Variants in PDE3A observed in about 807,000 individuals in gnomAD.
The protein encoded by PDE3A is phosphodiesterase 3A, also known as cGMP-inhibited 3',5'-cyclic phosphodiesterase 3A.
PDE3A carries 43 observed loss-of-function variants against 98.3 expected under a neutral mutation model. That is an observed-to-expected ratio of 0.44 (90% confidence interval 0.34 to 0.56). The LOEUF is 0.56. Among genes scored for constraint, PDE3A ranks in the 20% least tolerant of loss-of-function variants. The pLI is 0.01. For missense variants in PDE3A, 1,427 were observed against 1,440.7 expected (o/e 0.99, Z 0.15); for synonymous variants, 663 against 567.9 (o/e 1.17, Z -2.38).
chr12:20,459,381 G>GA (rs1449994728), intron 1 of PDE3A, among the ~76,000 whole-genome samples: 1 of 151,980 alleles, frequency 6.6e-6, no homozygotes. Context: ...GTTACAAACA[G>GA]AAAATCATCC....
intron 6 of PDE3A, among the ~76,000 whole-genome samples, chr12:20,631,705 T>G (rs1166930534): frequency 1.3e-5 from 2 of 151,358 alleles, no homozygotes; most frequent in Non-Finnish European, 2.9e-5. Context: ...AGTGTATTTT[T>G]TTTTTTTTTT....
intron 1 of PDE3A, among the ~76,000 whole-genome samples, chr12:20,516,033 ATTT>A: frequency 7.2e-6 from 1 of 138,558 alleles, no homozygotes; most frequent in East Asian, 2.1e-4. Context: ...CGCCCGGCCT[ATTT>A]TTTTTTTTTT....
rs1184898194 is a variant in PDE3A, at chr12:20,551,999, C to T, written c.961-4661C>T. On this transcript the variant is annotated intron_variant, in intron 1 of 15. Transcript: ENST00000359062. ...ATCCATGGCCGGAGCAACGACGGAG[C>T]GTACTCCCTAGTCCTGGCGGGGGGC... The T allele has an allele frequency of 7.4e-6, 12 of 1,612,402 alleles. No individual in the cohort carries two copies. The African/African-American group carries it at 1.5e-4, about 20-fold the overall frequency.
intron 15 of PDE3A, among the ~76,000 whole-genome samples, chr12:20,671,458 C>A (rs369258344): frequency 0.052 from 7,335 of 142,382 alleles, 331 homozygotes; most frequent in African/African-American, 0.12. Context: ...CAATAAAATA[C>A]TGGCAAACTG....
chr12:20,647,333 C>A (rs533351794), intron 12 of PDE3A, among the ~76,000 whole-genome samples: 1 of 152,228 alleles, frequency 6.6e-6, no homozygotes, highest in East Asian at 1.9e-4. Flanking sequence ...AAATACCATT[C>A]CTTTGAAATA....
intron 14 of PDE3A, among the ~76,000 whole-genome samples, chr12:20,652,241 G>A (rs1219325387): frequency 1.3e-5 from 2 of 152,164 alleles, no homozygotes; most frequent in East Asian, 3.9e-4. Flanking sequence ...ATGTGCATGT[G>A]TCTTTATAGC....
intron 10 of PDE3A, among the ~76,000 whole-genome samples, chr12:20,643,455 G>C (rs1944692452): frequency 6.6e-6 from 1 of 152,164 alleles, no homozygotes; most frequent in Admixed American, 6.5e-5. Flanking sequence ...GCATAATACT[G>C]AGTACATGCT....
intron 1 of PDE3A, among the ~76,000 whole-genome samples, chr12:20,490,799 C>T (rs893955166): frequency 6.6e-6 from 1 of 152,106 alleles, no homozygotes; most frequent in Non-Finnish European, 1.5e-5. Flanking sequence ...CTTATCAAAA[C>T]AGGAGAAACA....
chr12:20,668,813 C>T (rs1945391512), intron 15 of PDE3A, among the ~76,000 whole-genome samples: 1 of 151,756 alleles, frequency 6.6e-6, no homozygotes, highest in African/African-American at 2.4e-5. Context: ...CAAAGGAACG[C>T]AGTTCCTCAC....
intron 1 of PDE3A, among the ~76,000 whole-genome samples, chr12:20,533,460 G>A (rs1941663656): frequency 6.8e-6 from 1 of 146,992 alleles, no homozygotes; most frequent in African/African-American, 2.5e-5. Context: ...CACAATCTGT[G>A]ATACCCAGTT....
intron 1 of PDE3A, among the ~76,000 whole-genome samples, chr12:20,389,262 G>A (rs896213062): frequency 6.6e-6 from 1 of 151,954 alleles, no homozygotes; most frequent in Non-Finnish European, 1.5e-5. Context: ...AATCAGTACT[G>A]AAGTTAGCAT....
At chr12:20,423,205 T>C (rs73239543) in intron 1 of PDE3A, among the ~76,000 whole-genome samples, 5,061 of 152,272 alleles carry the variant, frequency 0.033, 289 homozygotes, top group African/African-American at 0.11. Context: ...AGATGTAAAA[T>C]TGAGCCCAAT....
chr12:20,481,764 A>ATTGTTTTTTTT (rs1945630019), intron 1 of PDE3A, among the ~76,000 whole-genome samples: 1 of 79,584 alleles, frequency 1.3e-5, no homozygotes, highest in Non-Finnish European at 2.2e-5. Flanking sequence ...TGGGAAATAG[A>ATTGTTTTTTTT]TTTTTTTTTT....
intron 15 of PDE3A, among the ~76,000 whole-genome samples, chr12:20,672,553 C>A (rs1384459689): frequency 4.0e-5 from 6 of 150,886 alleles, no homozygotes; most frequent in Non-Finnish European, 8.8e-5. Context: ...TGCATATCTA[C>A]AACTATCTGA....
chr12:20,587,332 G>A (rs1255001499), intron 2 of PDE3A, among the ~76,000 whole-genome samples: 1 of 152,072 alleles, frequency 6.6e-6, no homozygotes, highest in East Asian at 1.9e-4. Flanking sequence ...TCACACCACT[G>A]CACTCCAGCC....
Position 20,682,503 on chromosome 12 carries a change from A to C in PDE3A, c.*2232A>C, listed in dbSNP as rs1402614155. The C allele has an allele frequency of 6.6e-6, 1 of 152,214 alleles. No individual in the cohort carries two copies. The highest frequency in any genetic ancestry group is 2.4e-5 in the African/African-American group (1 of 41,466). The allele number at this position is 152,214 out of a possible 1,614,324, so 9.4% of individuals were successfully genotyped here. A position where few individuals can be genotyped will look rare whatever the true frequency, so the allele number is the denominator to read the frequency against. Reference sequence around the variant, plus strand: ...TGGTTTCAAGGCAAATTCTCCAATAAGTTGGAAAATGTAAAAAGGATCAAG... The same window carrying C: ...TGGTTTCAAGGCAAATTCTCCAATACGTTGGAAAATGTAAAAAGGATCAAG... On this transcript the variant is annotated 3_prime_UTR_variant, in exon 16 of 16. Coordinates refer to ENST00000359062, the MANE Select transcript of PDE3A (RefSeq NM_000921.5).
chr12:20,640,421 G>T (rs1944619857), intron 10 of PDE3A, among the ~76,000 whole-genome samples: 1 of 152,056 alleles, frequency 6.6e-6, no homozygotes, highest in African/African-American at 2.4e-5. Flanking sequence ...GAAGAGTTAA[G>T]TCACTATATA....
intron 4 of PDE3A, among the ~76,000 whole-genome samples, chr12:20,619,431 C>T (rs12312310): frequency 2.0e-5 from 3 of 151,764 alleles, no homozygotes; most frequent in African/African-American, 7.3e-5. Flanking sequence ...CTTTAAAAAG[C>T]CTACTTAGAA....
At chr12:20,533,629 C>T (rs1368853960) in intron 1 of PDE3A, among the ~76,000 whole-genome samples, 1 of 151,684 alleles carries the variant, frequency 6.6e-6, no homozygotes, top group African/African-American at 2.4e-5. Flanking sequence ...GTACAGGCGC[C>T]ACCACCACAC....
Sources: allele counts gnomAD v4.1 joint callset (sites outside exome capture counted in the v4.1 genomes callset), GRCh38; gene constraint gnomAD v4.1.1; transcripts MANE v1.5; gene names NCBI Gene and HGNC (gene_info 2026-07-23, HGNC 2026-07-21).